The following STIL variants were observed in gnomAD, a reference collection of about 807,000 sequenced individuals.
STIL encodes SCL-interrupting locus protein.
In STIL, 55 loss-of-function variants were observed where a neutral mutation model predicts 110.1. The ratio of observed to expected loss-of-function variants is 0.50; its 90% CI spans 0.40 to 0.63. The LOEUF is 0.63. Ranked by LOEUF, STIL falls within the 20% of genes least tolerant of loss-of-function variation. The probability of loss-of-function intolerance (pLI) is 0.00; values close to 1 mark genes in which losing one functional copy is unlikely to be tolerated. For missense variants in STIL, 1,358 were observed against 1,530.0 expected, an observed-to-expected ratio of 0.89 and a Z score of 1.87; for synonymous variants, 481 against 530.0, an observed-to-expected ratio of 0.91 and a Z score of 1.27.
intron 14 of STIL, among the ~76,000 whole-genome samples, chr1:47,267,667 TAAAAAAAAAA>T (rs10713698): frequency 2.7e-4 from 30 of 110,662 alleles, no homozygotes; most frequent in African/African-American, 1.0e-3. Flanking sequence ...AGCGAGTATC[TAAAAAAAAAA>T]AAAAAAAAAA....
intron 6 of STIL, among the ~76,000 whole-genome samples, chr1:47,298,359 G>C (rs749848080): frequency 6.6e-6 from 1 of 152,174 alleles, no homozygotes; most frequent in African/African-American, 2.4e-5. Flanking sequence ...CAGGGAAGCA[G>C]CCTTGCTGAA....
intron 3 of STIL, among the ~76,000 whole-genome samples, chr1:47,303,888 C>T (rs1038214460): frequency 3.3e-5 from 5 of 152,210 alleles, no homozygotes. Flanking sequence ...ATTCTTTCCT[C>T]TTGATCTGAA....
intron 8 of STIL, 23 bp from the exon 9 acceptor site, chr1:47,289,608 T>G: frequency 6.3e-7 from 1 of 1,597,250 alleles, no homozygotes; most frequent in South Asian, 1.1e-5. Flanking sequence ...AGTCATTTAA[T>G]TAAAATTTAA....
chr1:47,278,301 C>T (rs1236118183), intron 12 of STIL, among the ~76,000 whole-genome samples: 1 of 151,264 alleles, frequency 6.6e-6, no homozygotes, highest in East Asian at 1.9e-4. Context: ...TAAGGGAGTT[C>T]TATATATACT....
chr1:47,290,097 C>T (rs1325323222), intron 8 of STIL, among the ~76,000 whole-genome samples: 1 of 152,100 alleles, frequency 6.6e-6, no homozygotes, highest in Admixed American at 6.6e-5. Context: ...TTAATTTCTG[C>T]TATCTAAATA....
At chr1:47,314,378 A>T (rs1402668707), upstream of STIL, among the ~76,000 whole-genome samples, 3 of 152,232 alleles carry the variant, frequency 2.0e-5, no homozygotes, top group Non-Finnish European at 2.9e-5. Flanking sequence ...GGATCCGAGG[A>T]TTTAAACCTT....
In STIL at chr1:47,257,390, A is replaced by C. The variant is rs568983944; in HGVS notation, c.3080+2899T>G. The stretch of plus-strand genomic sequence containing the variant: ...ACGCCTGTGGTCCCAGCTACTCAAA[A>C]AGCTGAGGCAGGAGGATTGGCTTCA... On this transcript the variant is annotated intron_variant, in intron 16 of 16. Transcript: ENST00000371877. 2.6e-5 allele frequency among the ~76,000 whole-genome samples: 4 copies of C among 152,292 alleles called. No individual in the cohort carries two copies. In the East Asian group the frequency reaches 7.7e-4, roughly 29 times the overall value.
chr1:47,300,147 T>C lies in STIL; in HGVS notation c.459A>G (p.Leu153=), dbSNP rs776792773. Residue 153 remains leucine, a synonymous_variant, in exon 6 of 17, where the codon CTA becomes CTG. Transcript: ENST00000371877. ...AATCTTTGCTACATATATGGCACTG[T>C]AGAGCCTGAGAAATCAATATTAAAT... ...VDDFSSALKA[L]QCHICSKDSL... 1.2e-6 allele frequency: 2 copies of C among 1,613,094 alleles called. No individual in the cohort carries two copies. The highest frequency in any genetic ancestry group is 2.2e-5 in the East Asian group (1 of 44,864).
intron 14 of STIL, among the ~76,000 whole-genome samples, chr1:47,265,787 A>G (rs997555280): frequency 6.0e-5 from 9 of 149,278 alleles, no homozygotes; most frequent in African/African-American, 2.2e-4. Context: ...CTGTCTCAAA[A>G]AAAAAAAAAA....
chr1:47,270,034 C>T (rs1006178687), intron 13 of STIL, among the ~76,000 whole-genome samples, 168 bp from the exon 14 acceptor site: 4 of 151,776 alleles, frequency 2.6e-5, no homozygotes, highest in Non-Finnish European at 4.4e-5. Flanking sequence ...CTCAGGAGTT[C>T]GAGACCAGCC....
At chr1:47,285,545 C>T (rs1418142332) in intron 10 of STIL, among the ~76,000 whole-genome samples, 2 of 152,146 alleles carry the variant, frequency 1.3e-5, no homozygotes, top group Non-Finnish European at 2.9e-5. Context: ...ACAACCTGTG[C>T]CTCTTGGGTT....
At chr1:47,292,151 T>C (rs1645510475) in intron 8 of STIL, among the ~76,000 whole-genome samples, 1 of 151,870 alleles carries the variant, frequency 6.6e-6, no homozygotes, top group Admixed American at 6.6e-5. Flanking sequence ...ATTACAGACA[T>C]AAGACACCAT....
intron 16 of STIL, among the ~76,000 whole-genome samples, chr1:47,253,333 C>T (rs1336737910): frequency 6.6e-6 from 1 of 152,142 alleles, no homozygotes; most frequent in Non-Finnish European, 1.5e-5. Flanking sequence ...CACACATCTA[C>T]ATATTCAATC....
At chr1:47,264,318 G>A (rs1644573839) in intron 14 of STIL, among the ~76,000 whole-genome samples, 1 of 152,064 alleles carries the variant, frequency 6.6e-6, no homozygotes, top group Non-Finnish European at 1.5e-5. Flanking sequence ...AATTTCTGTT[G>A]TTTATAAGCC....
intron 4 of STIL, 107 bp downstream of exon 4, chr1:47,302,127 T>C (rs1645822152): frequency 2.5e-6 from 2 of 799,980 alleles, no homozygotes; most frequent in Admixed American, 3.9e-5. Flanking sequence ...TACTATGTTA[T>C]GCAAGCTGGT....
At chr1:47,260,040 T>C (rs1167851881) in intron 16 of STIL, among the ~76,000 whole-genome samples, 3 of 152,144 alleles carry the variant, frequency 2.0e-5, no homozygotes, top group African/African-American at 7.2e-5. Flanking sequence ...CATCCCACAA[T>C]ATCTCTCAAA....
intron 7 of STIL, among the ~76,000 whole-genome samples, chr1:47,295,079 G>A (rs552770749): frequency 3.2e-4 from 48 of 152,024 alleles, no homozygotes; most frequent in Non-Finnish European, 5.6e-4. Flanking sequence ...GCACCACCAT[G>A]CCTGGCTAAT....
chr1:47,313,658 T>C (rs1454285309), intron 1 of STIL, among the ~76,000 whole-genome samples: 1 of 152,210 alleles, frequency 6.6e-6, no homozygotes, highest in East Asian at 1.9e-4. Flanking sequence ...CGCACTTTGC[T>C]GTTTACACTT....
chr1:47,271,808 C>CAAA (rs949875842), intron 13 of STIL, among the ~76,000 whole-genome samples: 2 of 124,278 alleles, frequency 1.6e-5, no homozygotes, highest in African/African-American at 5.9e-5. Context: ...GACTCCATTT[C>CAAA]AAAAAAAAAA....
Sources: allele counts gnomAD v4.1 joint callset (sites outside exome capture counted in the v4.1 genomes callset), GRCh38; gene constraint gnomAD v4.1.1; transcripts MANE v1.5; gene names NCBI Gene and HGNC (gene_info 2026-07-23, HGNC 2026-07-21).